The following ATP7B variants were observed in gnomAD, a reference collection of about 807,000 sequenced individuals.
ATP7B encodes the protein ATPase copper transporting beta.
Under a neutral mutation model 118.9 loss-of-function variants are expected in ATP7B, and 113 were observed. The observed-to-expected ratio is 0.95, with a 90% CI of 0.82 to 1.11. The LOEUF is 1.11. Ranked by LOEUF, ATP7B falls within the 50% of genes most tolerant of loss-of-function variation. The pLI, the probability that ATP7B is intolerant of heterozygous loss-of-function variation, is 0.00. For missense variants in ATP7B, 1,867 were observed against 1,871.4 expected, an observed-to-expected ratio of 1.00 and a Z score of 0.04; for synonymous variants, 777 against 727.4, an observed-to-expected ratio of 1.07 and a Z score of -1.10.
At chr13:51,988,872 CAG>C (rs1555300331) in intron 1 of ATP7B, among the ~76,000 whole-genome samples, 2 of 121,810 alleles carry the variant, frequency 1.6e-5, no homozygotes, top group Non-Finnish European at 3.2e-5. Context: ...CACATGGACA[CAG>C]GGAGGGGAAC....
chr13:51,939,252 A>C (rs1957168984), intron 16 of ATP7B, 59 bp from the exon 17 acceptor site: 1 of 1,603,912 alleles, frequency 6.2e-7, no homozygotes, highest in Non-Finnish European at 8.5e-7. Context: ...GCACCAAGAT[A>C]CCACACTTGC....
intron 1 of ATP7B, among the ~76,000 whole-genome samples, chr13:51,994,305 T>C (rs187003407): frequency 2.0e-4 from 31 of 152,274 alleles, no homozygotes; most frequent in African/African-American, 7.2e-4. Context: ...AACAAAGTAA[T>C]TAAAATTGTA....
intron 1 of ATP7B, among the ~76,000 whole-genome samples, chr13:52,004,245 G>A (rs1189727152): frequency 1.3e-5 from 2 of 152,168 alleles, no homozygotes; most frequent in African/African-American, 4.8e-5. Flanking sequence ...CTGGCTGACA[G>A]AGCAAGACTC....
intron 1 of ATP7B, among the ~76,000 whole-genome samples, chr13:51,993,623 T>C (rs996182925): frequency 6.6e-6 from 1 of 152,206 alleles, no homozygotes; most frequent in Non-Finnish European, 1.5e-5. Flanking sequence ...TGTGCTCAGA[T>C]AGATTACTGG....
intron 4 of ATP7B, chr13:51,966,898 A>G: frequency 6.2e-7 from 1 of 1,612,956 alleles, no homozygotes; most frequent in Non-Finnish European, 8.5e-7. Context: ...CAGAAACCTC[A>G]CCACAAAAAC....
At chr13:52,002,984 T>C (rs1953588638) in intron 1 of ATP7B, among the ~76,000 whole-genome samples, 1 of 152,236 alleles carries the variant, frequency 6.6e-6, no homozygotes, top group Admixed American at 6.5e-5. Context: ...TGCTCTGGAC[T>C]AGGCTTTGGC....
intron 7 of ATP7B, chr13:51,959,446 C>T: frequency 6.8e-6 from 1 of 147,288 alleles, no homozygotes; most frequent in Non-Finnish European, 1.5e-5. Context: ...GAGTTCAAGA[C>T]TACAGTGAAC....
At position 51,958,317 on chromosome 13, in the gene ATP7B, C is replaced by G. The variant is rs778848412; in HGVS notation, c.2349G>C (p.Leu783Phe). 46 of 1,614,050 alleles carry G rather than the reference C, an allele frequency of 2.8e-5. No individual in the cohort carries two copies. The highest frequency in any genetic ancestry group is 3.6e-5 in the Non-Finnish European group (43 of 1,180,042). Residue 783 changes from leucine to phenylalanine, a missense_variant, in exon 8 of 21, where the codon TTG becomes TTC. By Grantham distance (22) the Leu-to-Phe change is conservative (BLOSUM62 0). Coordinates refer to ENST00000242839, the MANE Select transcript of ATP7B (RefSeq NM_000053.4). ...FIALGRWLEHLAKSKTSEALA... is the reference protein window; with the variant it reads ...FIALGRWLEHFAKSKTSEALA... The stretch of plus-strand genomic sequence containing the variant: ...AACCTGAAGCTGCTGTTACCTTTGC[C>G]AAGTGTTCCAGCCACCGGCCCAGGG...
chr13:51,974,061 C>T lies in ATP7B; in HGVS notation c.1159G>A (p.Val387Met), dbSNP rs768188826. 4 of 1,614,204 alleles carry T rather than the reference C, an allele frequency of 2.5e-6. No homozygotes were observed. The highest frequency in any genetic ancestry group is 2.2e-5 in the East Asian group (1 of 44,872). The change falls in exon 2 of 21, where the codon GTG becomes ATG. Residue 387 changes from valine (V) to methionine (M), a missense_variant. By Grantham distance (21) the Val-to-Met change is conservative. Transcript: ENST00000242839. ...GCCAAAGACACCGATATTTGCTGCA[C>T]CCCTTCCAGTTGGGAGATCATGCCT... ...IEGMISQLEG[V>M]QQISVSLAEG... is the part of the protein sequence containing the mutation.
At chr13:51,982,640 C>T (rs1952475982) in intron 1 of ATP7B, among the ~76,000 whole-genome samples, 1 of 152,086 alleles carries the variant, frequency 6.6e-6, no homozygotes, top group Non-Finnish European at 1.5e-5. Context: ...GCAAGATGGC[C>T]GAATAGGAAC....
chr13:51,965,118 C>A, intron 4 of ATP7B, 85 bp from the exon 5 acceptor site: 1 of 1,551,836 alleles, frequency 6.4e-7, no homozygotes, highest in Non-Finnish European at 8.8e-7. Flanking sequence ...AGGTAACAGG[C>A]AGCCAAGAGC....
chr13:51,937,652 C>T lies in ATP7B; in HGVS notation c.3727G>A (p.Val1243Met), dbSNP rs1277243795. Residue 1243 changes from valine (V) to methionine (M), a missense_variant, in exon 18 of 21, where the codon GTG (valine) becomes ATG (methionine). Val to Met is a conservative substitution (Grantham distance 21). Transcript: ENST00000242839. ...TTGGCCACCTTGTGCGAAGGCAGCA[C>T]CTCTGCAAAGACTTTGTTGATGCCA... ...QVGINKVFAE[V>M]LPSHKVAKVQ... is the part of the protein sequence containing the mutation. The T allele has an allele frequency of 2.5e-6, 4 of 1,614,276 alleles. No individual in the cohort carries two copies. Among genetic ancestry groups the T allele is most frequent in the Non-Finnish European group, 3.4e-6 (4 of 1,180,052 alleles).
chr13:51,988,834 C>A (rs1290992859), intron 1 of ATP7B, among the ~76,000 whole-genome samples: 1 of 145,388 alleles, frequency 6.9e-6, no homozygotes, highest in Non-Finnish European at 1.5e-5. Flanking sequence ...CATGTTCTCA[C>A]TCATAAGTGG....
Position 51,968,564 on chromosome 13 carries a change from C to T in ATP7B, c.1587G>A (p.Glu529=), listed in dbSNP as rs1174573085. The change falls in exon 4 of 21, where the codon GAG becomes GAA. Residue 529 remains glutamate, a synonymous_variant. Transcript: ENST00000242839. ...VLVALMAGKA[E]IKYDPEVIQP... is the part of the protein sequence containing the mutation. ...GGATGACCTCTGGGTCATACTTGAT[C>T]TCTGCCTTTCCTGCCATCAAGGCAA... 1.9e-6 allele frequency: 3 copies of T among 1,614,078 alleles called. No individual in the cohort carries two copies. Among genetic ancestry groups the T allele is most frequent in the African/African-American group, 2.7e-5 (2 of 74,920 alleles).
At position 51,966,270 on chromosome 13, in the gene ATP7B, C is replaced by T. The variant is rs75424691; in HGVS notation, c.1708-1237G>A. Among the ~76,000 whole-genome samples, 998 of 152,278 alleles carry T rather than the reference C, an allele frequency of 6.6e-3. 11 individuals are homozygous for T. The highest frequency in any genetic ancestry group is 0.023 in the African/African-American group (964 of 41,552). Reference sequence around the variant, plus strand: ...AGGTTTAGGAACTTGTCCAAAGTCGCGCAACTAGTGACGGGTAGAGCTGAA... The same window carrying T: ...AGGTTTAGGAACTTGTCCAAAGTCGTGCAACTAGTGACGGGTAGAGCTGAA... On this transcript the variant is annotated intron_variant, in intron 4 of 20. Coordinates refer to ENST00000242839, the MANE Select transcript of ATP7B (RefSeq NM_000053.4).
chr13:51,943,395 G>A (rs574555469), intron 14 of ATP7B, among the ~76,000 whole-genome samples: 1 of 152,230 alleles, frequency 6.6e-6, no homozygotes, highest in East Asian at 1.9e-4. Flanking sequence ...CTACATGAAG[G>A]ACAAAACTAG....
In ATP7B at chr13:51,974,758, G is replaced by A. The variant is rs771654032; in HGVS notation, c.462C>T (p.Cys154=). 14 of 1,614,160 alleles carry A rather than the reference G, an allele frequency of 8.7e-6. No homozygotes were observed. The East Asian group carries it at 8.9e-5, about 10-fold the overall frequency. Residue 154 remains cysteine (C), a synonymous_variant, in exon 2 of 21, where the codon TGC becomes TGT. Coordinates refer to ENST00000242839, the MANE Select transcript of ATP7B (RefSeq NM_000053.4). Reference sequence around the variant, plus strand: ...CTTCAATGGAGCTGACACAGGACTGGCAGGTCATGCCCTCCACCCGGAGCT... The same window carrying A: ...CTTCAATGGAGCTGACACAGGACTGACAGGTCATGCCCTCCACCCGGAGCT... ...VVKLRVEGMT[C]QSCVSSIEGK...
rs758246226 is a variant in ATP7B at position 51,961,820 on chromosome 13, T to C, written c.1946+17A>G. 2 of 1,609,910 alleles carry C rather than the reference T, an allele frequency of 1.2e-6. No homozygotes were observed. On this transcript the variant is annotated intron_variant, in intron 6 of 20. Transcript: ENST00000242839. ...ACTTAGATGAGAGCTGGAGTTTATC[T>C]TTTGTGTTCTACCTACTGCTTTATT... is the stretch of plus-strand genomic sequence containing the variant.
intron 1 of ATP7B, among the ~76,000 whole-genome samples, chr13:51,988,024 A>AC (rs893232134): frequency 6.6e-6 from 1 of 152,206 alleles, no homozygotes; most frequent in African/African-American, 2.4e-5. Flanking sequence ...TAAAACACCA[A>AC]AAGCAATGGC....
Sources: allele counts gnomAD v4.1 joint callset (sites outside exome capture counted in the v4.1 genomes callset), GRCh38; gene constraint gnomAD v4.1.1; transcripts MANE v1.5; gene names NCBI Gene and HGNC (gene_info 2026-07-23, HGNC 2026-07-21).